The following SYNE1 variants were observed in gnomAD, a reference collection of about 807,000 sequenced individuals.
SYNE1 encodes spectrin repeat containing nuclear envelope protein 1.
Under a neutral mutation model 1,111.0 loss-of-function variants are expected in SYNE1, and 616 were observed. The ratio of observed to expected loss-of-function variants is 0.55; its 90% confidence interval spans 0.52 to 0.59. The LOEUF (loss-of-function observed/expected upper bound fraction) is 0.59. Among genes scored for constraint, SYNE1 ranks in the 20% least tolerant of loss-of-function variants. The probability of loss-of-function intolerance (pLI) is 0.00; values close to 1 mark genes in which losing one functional copy is unlikely to be tolerated. For missense variants in SYNE1, 10,006 were observed against 10,417.0 expected, an observed-to-expected ratio of 0.96 and a Z score of 1.72; for synonymous variants, 3,855 against 3,825.8, an observed-to-expected ratio of 1.01 and a Z score of -0.28.
rs2067605758 is a variant in SYNE1, at chr6:152,180,208, C to T, written c.23388G>A (p.Leu7796=). The change falls in exon 129 of 146, where the codon TTG becomes TTA. Residue 7796 remains leucine, a synonymous_variant. Transcript: ENST00000367255. ...GAGAAACTTTGCTTTCCATTTGAGT[C>T]AACCACTCACAGAGTTCCTTGTTCT... is the stretch of plus-strand genomic sequence containing the variant. The part of the protein sequence containing the change: ...SEKNKELCEW[L]TQMESKVSQN... 2 of 1,614,122 alleles carry T rather than the reference C, an allele frequency of 1.2e-6. No homozygotes were observed. Among genetic ancestry groups the T allele is most frequent in the Non-Finnish European group, 1.7e-6 (2 of 1,179,992 alleles).
In SYNE1 at chr6:152,372,663, C is replaced by T. The variant is rs1387550; in HGVS notation, c.9507+374G>A. ...TTGCATTAGTTATAATATACACTCTCATCTGCAGCATTTTGCAGCTTATGT... is the reference window on the plus strand; with the variant it reads ...TTGCATTAGTTATAATATACACTCTTATCTGCAGCATTTTGCAGCTTATGT... On this transcript the variant is annotated intron_variant, in intron 59 of 145. Coordinates refer to ENST00000367255, the MANE Select transcript of SYNE1 (RefSeq NM_182961.4). Among the ~76,000 whole-genome samples the T allele has an allele frequency of 7.2e-3, 1,094 of 152,306 alleles. 14 individuals carry two copies. The highest frequency in any genetic ancestry group is 0.024 in the African/African-American group (1,002 of 41,560).
chr6:152,134,948 TGGAAACCACAG>T, intron 142 of SYNE1, 145 bp downstream of exon 142: 1 of 891,198 alleles, frequency 1.1e-6, no homozygotes, highest in Admixed American at 2.5e-5. Context: ...TTACAAAGAT[TGGAAACCACAG>T]GGAGTTAAAA....
intron 128 of SYNE1, among the ~76,000 whole-genome samples, chr6:152,185,063 T>G (rs1479966354): frequency 6.6e-6 from 1 of 152,156 alleles, no homozygotes; most frequent in African/African-American, 2.4e-5. Context: ...GGTTGAAATA[T>G]TTTTACCATG....
intron 71 of SYNE1, 44 bp from the exon 72 acceptor site, chr6:152,350,379 A>G: frequency 6.2e-7 from 1 of 1,613,234 alleles, no homozygotes; most frequent in Middle Eastern, 1.7e-4. Context: ...CAAGTGAAAA[A>G]CCTACTCAAA....
At chr6:152,439,944 T>C (rs17463277) in intron 32 of SYNE1, among the ~76,000 whole-genome samples, 5,144 of 152,288 alleles carry the variant, frequency 0.034, 136 homozygotes, top group Non-Finnish European at 0.053. Context: ...TGATGCCCCA[T>C]TGGAGTCTCA....
intron 3 of SYNE1, among the ~76,000 whole-genome samples, chr6:152,581,930 A>T (rs977951766): frequency 2.0e-5 from 3 of 152,166 alleles, no homozygotes; most frequent in Non-Finnish European, 4.4e-5. Context: ...GACTCTGATA[A>T]TATCACTCCC....
Position 152,409,210 on chromosome 6 carries a change from TTCTTGGC to T in SYNE1, c.6391_6397del (p.Ala2131ThrfsTer3). 1 of 1,614,136 alleles carries T rather than the reference TTCTTGGC, an allele frequency of 6.2e-7. No homozygotes were observed. The highest frequency in any genetic ancestry group is 2.2e-5 in the East Asian group (1 of 44,860). On this transcript the variant is annotated frameshift_variant, in exon 44 of 146. Transcript: ENST00000367255. LOFTEE classifies it high-confidence loss of function. The stretch of plus-strand genomic sequence containing the variant: ...GTCTTTCTGTTTGTAATTCATTTTG[TTCTTGGC>T]AGTTTCATGCTGTGGATAAATGATT...
At chr6:152,358,672 A>G (rs2096880562) in intron 65 of SYNE1, 135 bp from the exon 66 acceptor site, 3 of 817,122 alleles carry the variant, frequency 3.7e-6, no homozygotes, top group Admixed American at 5.5e-5. Flanking sequence ...TCCTAGAATC[A>G]TGAATCTTCA....
At chr6:152,232,783 G>A (rs931720684) in intron 112 of SYNE1, among the ~76,000 whole-genome samples, 8 of 152,120 alleles carry the variant, frequency 5.3e-5, no homozygotes, top group Admixed American at 3.9e-4. Flanking sequence ...CTTACAATTC[G>A]AAATCTTACT....
intron 130 of SYNE1, among the ~76,000 whole-genome samples, chr6:152,165,880 C>A (rs753763137): frequency 1.3e-5 from 2 of 152,182 alleles, no homozygotes; most frequent in Non-Finnish European, 2.9e-5. Flanking sequence ...ATTTGATCGA[C>A]CACAGCATGG....
At chr6:152,343,238 C>T (rs376426178) in intron 74 of SYNE1, among the ~76,000 whole-genome samples, 4 of 150,514 alleles carry the variant, frequency 2.7e-5, no homozygotes, top group South Asian at 2.1e-4. Context: ...CTGCAACCTC[C>T]GCCTCCACCT....
rs776100963 is a variant in SYNE1 at position 152,321,245 on chromosome 6, C to T, written c.16229G>A (p.Arg5410Gln). 5.6e-5 allele frequency: 91 copies of T among 1,613,480 alleles called. No individual in the cohort carries two copies. The highest frequency in any genetic ancestry group is 2.7e-4 in the African/African-American group (20 of 74,866). ...LAEVALDLKIRDQIQDKIKEV... is the reference protein window; with the variant it reads ...LAEVALDLKIQDQIQDKIKEV... ...TCTTGATCATAGGTTTACCTGATCTCGGATCTTTAGATCTAACGCCACTTC... is the reference window on the plus strand; with the variant it reads ...TCTTGATCATAGGTTTACCTGATCTTGGATCTTTAGATCTAACGCCACTTC... The change falls in exon 84 of 146, where the codon CGA becomes CAA. Residue 5410 changes from arginine (R) to glutamine (Q), a missense_variant. By Grantham distance (43) the Arg-to-Gln change is conservative. This residue lies in a region of SYNE1 where 4,955 missense variants were observed against 5,017.2 expected (regional missense o/e 0.99). Coordinates refer to ENST00000367255, the MANE Select transcript of SYNE1 (RefSeq NM_182961.4).
At chr6:152,568,238 GT>G (rs139543964) in intron 3 of SYNE1, among the ~76,000 whole-genome samples, 3,973 of 149,162 alleles carry the variant, frequency 0.027, 75 homozygotes, top group Middle Eastern at 0.068. Flanking sequence ...AAAGAGTATA[GT>G]GGGAAAATAT....
chr6:152,485,837 T>G (rs1311146258), intron 12 of SYNE1, among the ~76,000 whole-genome samples: 1 of 152,132 alleles, frequency 6.6e-6, no homozygotes, highest in Non-Finnish European at 1.5e-5. Flanking sequence ...TGGGGGGAGA[T>G]AGTGAACTAG....
chr6:152,390,313 G>A lies in SYNE1; in HGVS notation c.8144C>T (p.Ala2715Val). The change falls in exon 53 of 146, where the codon GCT becomes GTT. Residue 2715 changes from alanine to valine, a missense_variant. By Grantham distance (64) the Ala-to-Val change is moderately conservative. Transcript: ENST00000367255. ...TQLETLKEVW[A>V]DIMSSSVHAQ... ...GTGGACGGAGGAGCTCATGATGTCA[G>A]CCCACACTTCTTTAAGGGTCTCTAA... 6.2e-7 allele frequency: 1 copy of A among 1,614,084 alleles called. No individual in the cohort carries two copies. Among genetic ancestry groups the A allele is most frequent in the South Asian group, 1.1e-5 (1 of 91,080 alleles).
At chr6:152,131,707 G>A (rs537082047) in intron 144 of SYNE1, among the ~76,000 whole-genome samples, 97 of 152,168 alleles carry the variant, frequency 6.4e-4, no homozygotes, top group African/African-American at 1.9e-3. Context: ...TTGCCTTAAC[G>A]AGTCAATGGC....
intron 96 of SYNE1, 140 bp from the exon 97 acceptor site, chr6:152,282,120 C>A: frequency 1.2e-6 from 1 of 815,666 alleles, no homozygotes; most frequent in Non-Finnish European, 2.0e-6. Flanking sequence ...TTGCTTAGGC[C>A]ACATCCCAGA....
chr6:152,281,622 T>C (rs1184199708), intron 97 of SYNE1, among the ~76,000 whole-genome samples, 185 bp downstream of exon 97: 1 of 152,246 alleles, frequency 6.6e-6, no homozygotes, highest in Non-Finnish European at 1.5e-5. Context: ...TTTCAAAAAG[T>C]GAGTCCAAGT....
At chr6:152,593,059 A>C (rs754484812) in intron 3 of SYNE1, among the ~76,000 whole-genome samples, 15 of 152,202 alleles carry the variant, frequency 9.9e-5, no homozygotes, top group South Asian at 4.1e-4. Flanking sequence ...TCAATGTTTA[A>C]TATGAGAAGT....
Sources: allele counts gnomAD v4.1 joint callset (sites outside exome capture counted in the v4.1 genomes callset), GRCh38; gene constraint gnomAD v4.1.1; regional missense constraint gnomAD v4.1.1; transcripts MANE v1.5; gene names NCBI Gene and HGNC (gene_info 2026-07-23, HGNC 2026-07-21).